The following KIAA1755 variants were observed in gnomAD, a reference collection of about 807,000 sequenced individuals.
KIAA1755 encodes KIAA1755, also known as uncharacterized protein KIAA1755.
A neutral mutation model predicts 91.7 loss-of-function variants in KIAA1755; 68 were observed. The ratio of observed to expected loss-of-function variants is 0.74; its 90% CI spans 0.61 to 0.91. The LOEUF (loss-of-function observed/expected upper bound fraction) is 0.91. KIAA1755 is among the 40% of genes least tolerant of loss of function. The probability of loss-of-function intolerance (pLI) is 0.00; values close to 1 mark genes in which losing one functional copy is unlikely to be tolerated. For missense variants in KIAA1755, 1,535 were observed against 1,494.4 expected (o/e 1.03, Z -0.45); for synonymous variants, 610 against 604.6 (o/e 1.01, Z -0.13).
rs780691892 is a variant in KIAA1755, at chr20:38,241,525, C to T, written c.606G>A (p.Gly202=). 1.1e-5 allele frequency: 17 copies of T among 1,614,062 alleles called. No individual in the cohort carries two copies. The highest frequency in any genetic ancestry group is 1.7e-5 in the Admixed American group (1 of 60,002). Residue 202 remains glycine (G), a synonymous_variant, in exon 3 of 14, where the codon GGG becomes GGA. Coordinates refer to ENST00000279024, the MANE Select transcript of KIAA1755 (RefSeq NM_001029864.2). ...QVVNALCQAW[G]PLPLEALDLS... is the part of the protein sequence containing the mutation. ...AATCCAGTGCCTCTAATGGAAGGGG[C>T]CCCCAGGCTTGGCAGAGGGCATTCA... is the stretch of plus-strand genomic sequence containing the variant.
At chr20:38,228,470 C>T (rs1457958308) in intron 5 of KIAA1755, among the ~76,000 whole-genome samples, 1 of 152,216 alleles carries the variant, frequency 6.6e-6, no homozygotes, top group East Asian at 1.9e-4. Context: ...ATACAGCCCT[C>T]GTTTATAGCC....
At chr20:38,214,450 C>T (rs138823124) in intron 13 of KIAA1755, among the ~76,000 whole-genome samples, 2 of 152,326 alleles carry the variant, frequency 1.3e-5, no homozygotes, top group Non-Finnish European at 2.9e-5. Flanking sequence ...GAGCACTGAC[C>T]GTTTGCCAGG....
chr20:38,222,412 G>T (rs1467052379), intron 10 of KIAA1755, 37 bp downstream of exon 10: 1 of 1,598,354 alleles, frequency 6.3e-7, no homozygotes, highest in African/African-American at 1.3e-5. Context: ...GCCAGAAACA[G>T]GATGGGGTGG....
Position 38,213,339 on chromosome 20 carries a change from A to ACCC in KIAA1755, c.3305_3306insGGG (p.His1102delinsGlnGly). ...CAGGAGGCCAATAGGACTTTGGCAA[A>ACCC]TGGTCCATGCCCAGTGAGTCTAGTG... On this transcript the variant is annotated protein_altering_variant, in exon 14 of 14. Transcript: ENST00000279024. 1.9e-6 allele frequency: 3 copies of ACCC among 1,612,116 alleles called. No homozygotes were observed. Among genetic ancestry groups the ACCC allele is most frequent in the Non-Finnish European group, 2.5e-6 (3 of 1,179,040 alleles).
chr20:38,246,287 T>C (rs1007958245), intron 1 of KIAA1755, among the ~76,000 whole-genome samples, 161 bp from the exon 2 acceptor site: 1 of 152,174 alleles, frequency 6.6e-6, no homozygotes, highest in Non-Finnish European at 1.5e-5. Context: ...CACACTGGCC[T>C]TCTTTCCTGT....
At chr20:38,216,416 G>A (rs1244646995) in intron 13 of KIAA1755, among the ~76,000 whole-genome samples, 1 of 152,210 alleles carries the variant, frequency 6.6e-6, no homozygotes, top group Non-Finnish European at 1.5e-5. Flanking sequence ...TGATCGCTGT[G>A]GCCTGCACGT....
chr20:38,255,675 T>C (rs1215025022), intron 1 of KIAA1755, among the ~76,000 whole-genome samples: 1 of 152,132 alleles, frequency 6.6e-6, no homozygotes, highest in African/African-American at 2.4e-5. Flanking sequence ...CTGCTTTAAG[T>C]CCTTTTTATT....
intron 1 of KIAA1755, 130 bp from the exon 2 acceptor site, chr20:38,246,256 C>A: frequency 1.4e-6 from 1 of 718,296 alleles, no homozygotes; most frequent in South Asian, 1.8e-5. Flanking sequence ...TACCCCACCC[C>A]CCTCACTCAT....
At chr20:38,242,056 A>G (rs530024433) in intron 2 of KIAA1755, 127 bp from the exon 3 acceptor site, 285 of 914,726 alleles carry the variant, frequency 3.1e-4, no homozygotes, top group Non-Finnish European at 4.5e-4. Context: ...AGCATTTAGG[A>G]GGCACTCACT....
intron 13 of KIAA1755, 129 bp from the exon 14 acceptor site, chr20:38,213,872 A>C: frequency 3.3e-6 from 2 of 613,368 alleles, no homozygotes; most frequent in East Asian, 2.8e-5. Flanking sequence ...GACCATGATG[A>C]CCCTGGTTTC....
At chr20:38,217,079 G>A in intron 13 of KIAA1755, 174 bp downstream of exon 13, 2 of 644,172 alleles carry the variant, frequency 3.1e-6, no homozygotes, top group Non-Finnish European at 5.6e-6. Flanking sequence ...CCAGCCAGGG[G>A]ATGGGGGTGG....
At chr20:38,251,943 T>G (rs2076257965) in intron 1 of KIAA1755, among the ~76,000 whole-genome samples, 1 of 152,114 alleles carries the variant, frequency 6.6e-6, no homozygotes, top group African/African-American at 2.4e-5. Flanking sequence ...CTTTTTAACC[T>G]ATGTATGAGC....
At position 38,255,800 on chromosome 20, in the gene KIAA1755, G is replaced by A. The variant is rs564139222; in HGVS notation, c.3+4698C>T. Among the ~76,000 whole-genome samples the A allele has an allele frequency of 2.6e-5, 4 of 152,234 alleles. No homozygotes were observed. In the South Asian group the frequency reaches 8.3e-4, roughly 32 times the overall value. ...AGCAAGTGGCTGTCAGAAGACCCAC[G>A]TTATAGTCCAGCTCTGTCTGTATCA... On this transcript the variant is annotated intron_variant, in intron 1 of 13. Transcript: ENST00000279024.
rs1297016284 is a variant in KIAA1755 at position 38,211,711 on chromosome 20, A to G, written c.*1331T>C. ...GCGGAGAGGATTCTCTCTGGAGGACAAGGACAAGGTTCCACAGGGTTCCTT... is the reference window on the plus strand; with the variant it reads ...GCGGAGAGGATTCTCTCTGGAGGACGAGGACAAGGTTCCACAGGGTTCCTT... On this transcript the variant is annotated 3_prime_UTR_variant, in exon 14 of 14. Coordinates refer to ENST00000279024, the MANE Select transcript of KIAA1755 (RefSeq NM_001029864.2). The G allele has an allele frequency of 6.6e-6, 1 of 152,284 alleles. No homozygotes were observed. Among genetic ancestry groups the G allele is most frequent in the Non-Finnish European group, 1.5e-5 (1 of 68,082 alleles). The allele number at this position is 152,284 out of a possible 1,614,324, so 9.4% of individuals were successfully genotyped here. A position where few individuals can be genotyped will look rare whatever the true frequency, so the allele number is the denominator to read the frequency against.
At chr20:38,237,299 G>T (rs2075975388) in intron 4 of KIAA1755, among the ~76,000 whole-genome samples, 3 of 151,890 alleles carry the variant, frequency 2.0e-5, no homozygotes, top group Admixed American at 2.0e-4. Context: ...TGGAGGTGAA[G>T]TAGGATCCAC....
chr20:38,239,825 C>T, intron 3 of KIAA1755, 100 bp from the exon 4 acceptor site: 1 of 1,082,234 alleles, frequency 9.2e-7, no homozygotes, highest in Non-Finnish European at 1.4e-6. Flanking sequence ...TAATAGCTTA[C>T]AACTATTGAT....
intron 12 of KIAA1755, 193 bp from the exon 13 acceptor site, chr20:38,217,667 A>G (rs2075574546): frequency 1.7e-6 from 1 of 594,590 alleles, no homozygotes; most frequent in African/African-American, 1.9e-5. Flanking sequence ...TTGAACAATT[A>G]AGAGCAGTTA....
At position 38,217,063 on chromosome 20, in the gene KIAA1755, G is replaced by C. The variant is rs1012365664; in HGVS notation, c.2901+190C>G. On this transcript the variant is annotated intron_variant, in intron 13 of 13. Coordinates refer to ENST00000279024, the MANE Select transcript of KIAA1755 (RefSeq NM_001029864.2). ...GTGTCTGGGTATCCCTGTCCCTGCT[G>C]TGCCCCCAGCCAGGGGATGGGGGTG... 147 of 639,268 alleles carry C rather than the reference G, an allele frequency of 2.3e-4. 1 individual carries two copies. In the Admixed American group the frequency reaches 3.3e-3, roughly 14 times the overall value. The allele number at this position is 639,268 out of a possible 1,614,324, so 39.6% of individuals were successfully genotyped here.
intron 5 of KIAA1755, among the ~76,000 whole-genome samples, chr20:38,228,990 C>T (rs927776873): frequency 1.3e-5 from 2 of 152,162 alleles, no homozygotes; most frequent in Non-Finnish European, 2.9e-5. Context: ...ATACAGATTC[C>T]TCACCCTACT....
Sources: allele counts gnomAD v4.1 joint callset (sites outside exome capture counted in the v4.1 genomes callset), GRCh38; gene constraint gnomAD v4.1.1; transcripts MANE v1.5; gene names NCBI Gene and HGNC (gene_info 2026-07-23, HGNC 2026-07-21).